Variants in SLC2A2 observed in about 807,000 individuals in gnomAD.
The protein encoded by SLC2A2 is solute carrier family 2, facilitated glucose transporter member 2.
SLC2A2 carries 36 observed loss-of-function variants against 54.5 expected under a neutral mutation model. That is an observed-to-expected ratio of 0.66 (90% confidence interval 0.51 to 0.87). The LOEUF (loss-of-function observed/expected upper bound fraction) is 0.87, where lower values mean the gene tolerates loss of function less well. Among genes scored for constraint, SLC2A2 ranks in the 40% least tolerant of loss-of-function variants. SLC2A2 has a pLI of 0.00. For synonymous variants in SLC2A2, 223 were observed against 219.1 expected (o/e 1.02, Z -0.16); for missense variants, 543 against 624.3 (o/e 0.87, Z 1.39).
At chr3:171,012,120 C>A (rs1715914312) in intron 3 of SLC2A2, among the ~76,000 whole-genome samples, 1 of 152,112 alleles carries the variant, frequency 6.6e-6, no homozygotes, top group Non-Finnish European at 1.5e-5. Flanking sequence ...TCGTCATCAT[C>A]ATCATCATCA....
intron 9 of SLC2A2, 137 bp from the exon 10 acceptor site, chr3:170,998,533 A>G: frequency 1.4e-6 from 1 of 693,440 alleles, no homozygotes; most frequent in Non-Finnish European, 2.5e-6. Context: ...AAGTTATTCT[A>G]TTCTGAGAGA....
intron 8 of SLC2A2, among the ~76,000 whole-genome samples, chr3:170,999,623 C>G (rs1715254930): frequency 6.6e-6 from 1 of 152,042 alleles, no homozygotes; most frequent in Admixed American, 6.6e-5. Flanking sequence ...ACTATTGACA[C>G]CGGAAACAGT....
At position 171,011,675 on chromosome 3, in the gene SLC2A2, G is replaced by C. The variant is rs568658569; in HGVS notation, c.372-1593C>G. Among the ~76,000 whole-genome samples, 6 of 152,256 alleles carry C rather than the reference G, an allele frequency of 3.9e-5. No homozygotes were observed. The East Asian group carries it at 7.7e-4, about 20-fold the overall frequency. ...TGATTTAGAGCTGGCTAGCCCCAGA[G>C]CTACAGAGTAGAAAAATAGTTTAAG... On this transcript the variant is annotated intron_variant, in intron 3 of 10. Transcript: ENST00000314251.
At chr3:171,003,589 T>C (rs1322526969) in intron 7 of SLC2A2, among the ~76,000 whole-genome samples, 2 of 152,142 alleles carry the variant, frequency 1.3e-5, no homozygotes, top group African/African-American at 4.8e-5. Context: ...TTTAGAAAAC[T>C]TGAAGCAAAA....
chr3:171,014,683 G>C lies in SLC2A2; in HGVS notation c.157C>G (p.Arg53Gly), dbSNP rs771477447. The change falls in exon 3 of 11, where the codon CGA becomes GGA. Residue 53 changes from arginine to glycine, a missense_variant. Arg to Gly is a moderately radical substitution (Grantham distance 125). Coordinates refer to ENST00000314251, the MANE Select transcript of SLC2A2 (RefSeq NM_000340.2). The part of the protein sequence containing the change: ...RHVLGVPLDD[R>G]KAINNYVINS... ...ATAACATAGTTGTTGATAGCTTTTC[G>C]GTCATCCAGTGGAACACCCAAAACA... is the stretch of plus-strand genomic sequence containing the variant. 2 of 1,613,802 alleles carry C rather than the reference G, an allele frequency of 1.2e-6. No homozygotes were observed. The highest frequency in any genetic ancestry group is 2.2e-5 in the South Asian group (2 of 91,072).
chr3:171,026,673 T>C lies in SLC2A2; in HGVS notation c.-3A>G. On this transcript the variant is annotated 5_prime_UTR_variant, in exon 1 of 11. Transcript: ENST00000314251. ...TGCTTTACCTTATCTTCTGTCATTG[T>C]ACTAGTTGGGAGTCCTGTCAATTCC... is the stretch of plus-strand genomic sequence containing the variant. 6.2e-7 allele frequency: 1 copy of C among 1,613,208 alleles called. No individual in the cohort carries two copies. The highest frequency in any genetic ancestry group is 8.5e-7 in the Non-Finnish European group (1 of 1,179,110).
chr3:171,002,773 G>C, intron 7 of SLC2A2, 93 bp from the exon 8 acceptor site: 1 of 789,458 alleles, frequency 1.3e-6, no homozygotes, highest in Non-Finnish European at 2.2e-6. Context: ...ATTTTTAGTT[G>C]TTTCTATAGC....
In SLC2A2 at chr3:170,997,796, TAAAAC is replaced by T. The variant is rs1715149767; in HGVS notation, c.*102_*106del. 1.1e-6 allele frequency: 1 copy of T among 933,420 alleles called. No individual in the cohort carries two copies. Among genetic ancestry groups the T allele is most frequent in the Non-Finnish European group, 1.7e-6 (1 of 587,232 alleles). 57.8% of individuals were successfully genotyped at this position (933,420 alleles called of 1,614,324 possible). A position where few individuals can be genotyped will look rare whatever the true frequency, so the allele number is the denominator to read the frequency against. ...CATTTCTGATGAGAGCACATAAAAA[TAAAAC>T]AATACTTAAAGATGTGGATATAAAA... On this transcript the variant is annotated 3_prime_UTR_variant, in exon 11 of 11. Transcript: ENST00000314251.
chr3:171,016,911 T>C (rs1454134752), intron 2 of SLC2A2, among the ~76,000 whole-genome samples: 1 of 150,668 alleles, frequency 6.6e-6, no homozygotes, highest in Non-Finnish European at 1.5e-5. Context: ...TGAAGTGCAA[T>C]GTGCGATTGC....
intron 1 of SLC2A2, among the ~76,000 whole-genome samples, chr3:171,024,527 T>C (rs1365167040): frequency 2.0e-5 from 3 of 152,202 alleles, no homozygotes; most frequent in African/African-American, 7.2e-5. Flanking sequence ...GAGAAGCTTA[T>C]ACCCTTTTCT....
rs959036976 is a variant in SLC2A2, at chr3:170,996,846, A to C, written c.*1057T>G. ...GAAAATTAAATAGGGATTTTGATAAAAGTCTGAAGCTGAACATTTATGAAG... is the reference window on the plus strand; with the variant it reads ...GAAAATTAAATAGGGATTTTGATAACAGTCTGAAGCTGAACATTTATGAAG... On this transcript the variant is annotated 3_prime_UTR_variant, in exon 11 of 11. Coordinates refer to ENST00000314251, the MANE Select transcript of SLC2A2 (RefSeq NM_000340.2). 25 of 390,930 alleles carry C rather than the reference A, an allele frequency of 6.4e-5. No individual in the cohort carries two copies. The highest frequency in any genetic ancestry group is 1.1e-4 in the Non-Finnish European group (25 of 221,424). 24.2% of individuals were successfully genotyped at this position (390,930 alleles called of 1,614,324 possible). A position where few individuals can be genotyped will look rare whatever the true frequency, so the allele number is the denominator to read the frequency against.
chr3:171,008,225 T>A (rs1715703269), intron 4 of SLC2A2, among the ~76,000 whole-genome samples: 1 of 152,120 alleles, frequency 6.6e-6, no homozygotes, highest in Non-Finnish European at 1.5e-5. Context: ...TCAAAATATA[T>A]TTTTTAATGC....
At chr3:171,018,229 C>CT (rs1165900701) in intron 2 of SLC2A2, among the ~76,000 whole-genome samples, 1,922 of 149,342 alleles carry the variant, frequency 0.013, 42 homozygotes, top group African/African-American at 0.044. Flanking sequence ...CTCTTTTTTT[C>CT]TTTTTTTTTT....
At chr3:171,007,060 A>AGT in intron 5 of SLC2A2, 88 bp downstream of exon 5, 1 of 781,398 alleles carries the variant, frequency 1.3e-6, no homozygotes, top group Non-Finnish European at 2.3e-6. Flanking sequence ...AAGTGGAGGA[A>AGT]GTACAGTAGG....
At chr3:171,002,008 C>T (rs1269055014) in intron 8 of SLC2A2, among the ~76,000 whole-genome samples, 11 of 151,906 alleles carry the variant, frequency 7.2e-5, no homozygotes, top group Admixed American at 1.3e-4. Context: ...CATGCATCAC[C>T]GGAAGCCACA....
intron 8 of SLC2A2, among the ~76,000 whole-genome samples, chr3:171,001,256 A>C (rs1715319964): frequency 6.6e-6 from 1 of 152,098 alleles, no homozygotes. Flanking sequence ...TTTTAATAAT[A>C]ATCTATCATA....
chr3:171,006,245 A>G (rs1319163617), intron 5 of SLC2A2, 140 bp from the exon 6 acceptor site: 3 of 675,754 alleles, frequency 4.4e-6, no homozygotes, highest in Admixed American at 2.8e-5. Context: ...AACTGTTACT[A>G]TTGTATCTCA....
chr3:171,012,079 G>A (rs1237299905), intron 3 of SLC2A2, among the ~76,000 whole-genome samples: 1 of 152,086 alleles, frequency 6.6e-6, no homozygotes. Flanking sequence ...AGATAGTATA[G>A]GCTCGATTAT....
intron 1 of SLC2A2, among the ~76,000 whole-genome samples, chr3:171,018,903 TAGCATACCTCTCCTGACTATTC>T (rs1716286917): frequency 6.6e-6 from 1 of 151,892 alleles, no homozygotes; most frequent in Non-Finnish European, 1.5e-5. Flanking sequence ...TGTATGAGAA[TAGCATACCTCTCCTGACTATTC>T]ACCGGATACC....
Sources: allele counts gnomAD v4.1 joint callset (sites outside exome capture counted in the v4.1 genomes callset), GRCh38; gene constraint gnomAD v4.1.1; transcripts MANE v1.5; gene names NCBI Gene and HGNC (gene_info 2026-07-23, HGNC 2026-07-21).